The following CYP2J2 variants were observed in gnomAD, a reference collection of about 807,000 sequenced individuals.
CYP2J2 encodes the protein cytochrome P450 2J2.
CYP2J2 carries 41 observed loss-of-function variants against 48.8 expected under a neutral mutation model. That is an observed-to-expected ratio of 0.84 (90% confidence interval 0.66 to 1.09). The LOEUF is 1.09. Among genes scored for constraint, CYP2J2 ranks in the 50% least tolerant of loss-of-function variants. CYP2J2 has a pLI of 0.00. For missense variants in CYP2J2, 644 were observed against 617.3 expected (o/e 1.04, Z -0.46); for synonymous variants, 221 against 227.1 (o/e 0.97, Z 0.24).
intron 1 of CYP2J2, among the ~76,000 whole-genome samples, chr1:59,925,662 A>G (rs989333119): frequency 6.6e-6 from 1 of 152,232 alleles, no homozygotes; most frequent in African/African-American, 2.4e-5. Flanking sequence ...TCTCCCATAA[A>G]GTGATAAAAC....
chr1:59,912,446 T>A, intron 2 of CYP2J2, 135 bp from the exon 3 acceptor site: 1 of 907,502 alleles, frequency 1.1e-6, no homozygotes, highest in Non-Finnish European at 1.7e-6. Context: ...AGAGAAATAA[T>A]CCCAAAGCAA....
At chr1:59,926,075 TAGTG>T (rs774751708) in intron 1 of CYP2J2, among the ~76,000 whole-genome samples, 26 of 152,188 alleles carry the variant, frequency 1.7e-4, no homozygotes, top group Admixed American at 9.2e-4. Flanking sequence ...AATTATTACT[TAGTG>T]AGAGTGCACT....
chr1:59,901,213 C>G, intron 7 of CYP2J2, 110 bp from the exon 8 acceptor site: 1 of 1,092,938 alleles, frequency 9.1e-7, no homozygotes, highest in South Asian at 1.5e-5. Flanking sequence ...ACATACTGCC[C>G]CACCCTCCCC....
At chr1:59,894,267 G>A (rs1411232178) in intron 8 of CYP2J2, among the ~76,000 whole-genome samples, 2 of 152,164 alleles carry the variant, frequency 1.3e-5, no homozygotes, top group Admixed American at 1.3e-4. Flanking sequence ...TCAGAGCAGA[G>A]TTCCTAAGGT....
Position 59,893,533 on chromosome 1 carries a change from T to G in CYP2J2, c.*118A>C, listed in dbSNP as rs1476950324. ...TCTAGTTTTCTCTGAGTCAAATTCC[T>G]CTGATCTTTCTTGAAAGTCACTTTC... On this transcript the variant is annotated 3_prime_UTR_variant, in exon 9 of 9. Coordinates refer to ENST00000371204, the MANE Select transcript of CYP2J2 (RefSeq NM_000775.4). 11 of 744,988 alleles carry G rather than the reference T, an allele frequency of 1.5e-5. No homozygotes were observed. Among genetic ancestry groups the G allele is most frequent in the Non-Finnish European group, 2.3e-5 (11 of 485,682 alleles). 46.1% of individuals were successfully genotyped at this position (744,988 alleles called of 1,614,324 possible).
chr1:59,951,771 A>G, the CYP2J2 span, among the ~76,000 whole-genome samples: 2 of 152,032 alleles, frequency 1.3e-5, no homozygotes, highest in Non-Finnish European at 2.9e-5. Context: ...TTCTCTCCCG[A>G]CCTTGCTCTT....
chr1:59,924,325 A>G (rs1225478875), intron 1 of CYP2J2, among the ~76,000 whole-genome samples: 1 of 152,180 alleles, frequency 6.6e-6, no homozygotes, highest in East Asian at 1.9e-4. Flanking sequence ...TCAGATCTGA[A>G]AGGATATGAT....
intron 4 of CYP2J2, among the ~76,000 whole-genome samples, chr1:59,910,608 G>A (rs1350308849): frequency 6.6e-6 from 1 of 152,068 alleles, no homozygotes; most frequent in African/African-American, 2.4e-5. Context: ...TCTTTCTACT[G>A]AGAACACCAA....
chr1:59,958,836 T>C, the CYP2J2 span, among the ~76,000 whole-genome samples: 2 of 152,170 alleles, frequency 1.3e-5, no homozygotes, highest in African/African-American at 4.8e-5. Flanking sequence ...TGTCTCTATG[T>C]GAACAACCTC....
chr1:59,935,254 G>T, the CYP2J2 span, among the ~76,000 whole-genome samples: 1 of 151,856 alleles, frequency 6.6e-6, no homozygotes, highest in East Asian at 1.9e-4. Context: ...GGGATTGCAG[G>T]TGGGGAAAGG....
At chr1:59,945,442 CTCTCTATCTA>C in the CYP2J2 span, among the ~76,000 whole-genome samples, 7 of 151,646 alleles carry the variant, frequency 4.6e-5, no homozygotes, top group Non-Finnish European at 7.4e-5. Flanking sequence ...ATCTATCTAT[CTCTCTATCTA>C]TCTATGTATC....
chr1:59,941,973 T>C, the CYP2J2 span, among the ~76,000 whole-genome samples: 6 of 152,242 alleles, frequency 3.9e-5, no homozygotes, highest in Admixed American at 3.3e-4. Context: ...GTGTCCTAGG[T>C]CTTCACATTC....
the CYP2J2 span, among the ~76,000 whole-genome samples, chr1:59,960,581 TATCA>T: frequency 6.6e-6 from 1 of 152,224 alleles, no homozygotes; most frequent in African/African-American, 2.4e-5. Context: ...TCAGCCAAAC[TATCA>T]ATCAAGAATA....
Position 59,900,968 on chromosome 1 carries a change from T to C in CYP2J2, c.1327A>G (p.Ile443Val). 6.2e-7 allele frequency: 1 copy of C among 1,613,822 alleles called. No homozygotes were observed. The highest frequency in any genetic ancestry group is 8.5e-7 in the Non-Finnish European group (1 of 1,179,732). The change falls in exon 8 of 9, where the codon ATA becomes GTA. Residue 443 changes from isoleucine (I) to valine (V), a missense_variant. Transcript: ENST00000371204. ...KKREAFMPFS[I>V]GKRACLGEQL... ...ACACCTGTTTACTACAACTTACCTA[T>C]TGAGAAAGGCATAAAGGCTTCCCTT... is the stretch of plus-strand genomic sequence containing the variant.
intron 7 of CYP2J2, among the ~76,000 whole-genome samples, chr1:59,903,940 T>C (rs1644343050): frequency 6.6e-6 from 1 of 152,202 alleles, no homozygotes; most frequent in South Asian, 2.1e-4. Flanking sequence ...AAACTTACTC[T>C]GAGAATTGAA....
At chr1:59,945,953 T>C in the CYP2J2 span, among the ~76,000 whole-genome samples, 1 of 152,228 alleles carries the variant, frequency 6.6e-6, no homozygotes. Flanking sequence ...TCACAAATCA[T>C]CCTTATCTCT....
At chr1:59,897,689 A>C (rs950739294) in intron 8 of CYP2J2, among the ~76,000 whole-genome samples, 1 of 152,232 alleles carries the variant, frequency 6.6e-6, no homozygotes, top group African/African-American at 2.4e-5. Context: ...AACTGGGCTC[A>C]TGTATTTCAT....
the CYP2J2 span, among the ~76,000 whole-genome samples, chr1:59,956,868 C>T: frequency 2.6e-5 from 4 of 152,144 alleles, no homozygotes; most frequent in Non-Finnish European, 5.9e-5. Context: ...ACTTCTGATG[C>T]TGAGTCAGAA....
intron 7 of CYP2J2, among the ~76,000 whole-genome samples, chr1:59,903,787 G>A (rs976150238): frequency 2.0e-5 from 3 of 152,156 alleles, no homozygotes; most frequent in Non-Finnish European, 4.4e-5. Context: ...TCCTGTGAAG[G>A]GAGCATGGTG....
Sources: allele counts gnomAD v4.1 joint callset (sites outside exome capture counted in the v4.1 genomes callset), GRCh38; gene constraint gnomAD v4.1.1; transcripts MANE v1.5; gene names NCBI Gene and HGNC (gene_info 2026-07-23, HGNC 2026-07-21).